Variants in EXOC4 observed in about 807,000 individuals in gnomAD.
EXOC4 encodes exocyst complex component 4.
In EXOC4, 71 loss-of-function variants were observed where a neutral mutation model predicts 107.2. The observed-to-expected ratio is 0.66, with a 90% confidence interval of 0.55 to 0.81. EXOC4 has a LOEUF of 0.81. EXOC4 is among the 30% of genes least tolerant of loss of function. EXOC4 has a pLI of 0.00. For missense variants in EXOC4, 1,108 were observed against 1,189.6 expected (o/e 0.93, Z 1.01); for synonymous variants, 456 against 441.2 (o/e 1.03, Z -0.42).
chr7:133,622,560 GT>G (rs2151007530), intron 9 of EXOC4, among the ~76,000 whole-genome samples: 1 of 152,174 alleles, frequency 6.6e-6, no homozygotes, highest in South Asian at 2.1e-4. Context: ...TCTAGCTTCA[GT>G]TGGACCACTA....
chr7:133,452,389 A>C (rs1798368213), intron 7 of EXOC4, among the ~76,000 whole-genome samples: 1 of 151,976 alleles, frequency 6.6e-6, no homozygotes, highest in African/African-American at 2.4e-5. Context: ...TGTGTACCTT[A>C]GAATCTGAGA....
At chr7:133,450,824 T>A (rs1332047763) in intron 7 of EXOC4, among the ~76,000 whole-genome samples, 1 of 152,212 alleles carries the variant, frequency 6.6e-6, no homozygotes, top group Non-Finnish European at 1.5e-5. Context: ...ATTTACAGTA[T>A]TTTACAAAAG....
intron 9 of EXOC4, among the ~76,000 whole-genome samples, chr7:133,614,340 A>G (rs944838597): frequency 6.6e-6 from 1 of 151,896 alleles, no homozygotes. Context: ...TACAGTAAGA[A>G]GTCTTGAATA....
chr7:134,025,482 A>G (rs1795119764), intron 17 of EXOC4, among the ~76,000 whole-genome samples: 1 of 152,232 alleles, frequency 6.6e-6, no homozygotes, highest in Non-Finnish European at 1.5e-5. Context: ...TTAGTTGAGC[A>G]GATTGACTGG....
chr7:133,936,612 T>C (rs561968847), intron 13 of EXOC4, among the ~76,000 whole-genome samples: 2 of 152,262 alleles, frequency 1.3e-5, no homozygotes, highest in East Asian at 1.9e-4. Context: ...ACTTTCTTGA[T>C]TTTTTTCCCC....
intron 17 of EXOC4, among the ~76,000 whole-genome samples, chr7:134,056,861 T>C (rs1162282042): frequency 6.6e-6 from 1 of 152,186 alleles, no homozygotes; most frequent in Non-Finnish European, 1.5e-5. Context: ...AAGGAGTGTG[T>C]CATCATCTCA....
At chr7:133,572,442 G>A (rs998181558) in intron 9 of EXOC4, among the ~76,000 whole-genome samples, 5 of 151,982 alleles carry the variant, frequency 3.3e-5, no homozygotes, top group Non-Finnish European at 7.4e-5. Flanking sequence ...ACTTGTAAAA[G>A]CTTATTCAAT....
intron 10 of EXOC4, among the ~76,000 whole-genome samples, chr7:133,754,082 A>T (rs1035141969): frequency 2.6e-5 from 4 of 152,216 alleles, no homozygotes; most frequent in Non-Finnish European, 2.9e-5. Flanking sequence ...GTAGTTTATT[A>T]TAATACCCTG....
chr7:133,502,000 A>AT (rs1799584688), intron 9 of EXOC4, among the ~76,000 whole-genome samples: 1 of 152,124 alleles, frequency 6.6e-6, no homozygotes, highest in Non-Finnish European at 1.5e-5. Context: ...TTAGAGAAGC[A>AT]TTTTCATGCA....
intron 10 of EXOC4, among the ~76,000 whole-genome samples, chr7:133,725,449 C>T (rs1479276676): frequency 6.6e-6 from 1 of 152,172 alleles, no homozygotes; most frequent in Non-Finnish European, 1.5e-5. Flanking sequence ...GATCTCAGCT[C>T]ACTGAAACCT....
chr7:133,492,035 C>T lies in EXOC4; in HGVS notation c.1417+11897C>T, dbSNP rs529465428. On this transcript the variant is annotated intron_variant, in intron 9 of 17. Coordinates refer to ENST00000253861, the MANE Select transcript of EXOC4 (RefSeq NM_021807.4). The stretch of plus-strand genomic sequence containing the variant: ...CCTGGTATGCCATAGCAAGAAGGTT[C>T]GGTTTTTGTCCTGCGGGTGATAAGG... Among the ~76,000 whole-genome samples, 173 of 152,210 alleles carry T rather than the reference C, an allele frequency of 1.1e-3. 1 individual carries two copies. Among genetic ancestry groups the T allele is most frequent in the Admixed American group, 3.1e-3 (48 of 15,292 alleles).
chr7:134,000,339 C>T (rs776441406), intron 15 of EXOC4, among the ~76,000 whole-genome samples: 29 of 152,130 alleles, frequency 1.9e-4, no homozygotes, highest in African/African-American at 6.5e-4. Flanking sequence ...AGTATAATAA[C>T]GCTAGAATAG....
intron 10 of EXOC4, among the ~76,000 whole-genome samples, chr7:133,676,954 T>G (rs1354811844): frequency 1.5e-4 from 12 of 78,230 alleles, no homozygotes. Context: ...TGTGTGTGTG[T>G]GTATGTGTGT....
chr7:133,272,820 A>G lies in EXOC4; in HGVS notation c.87-2162A>G, dbSNP rs529468848. 1.2e-4 allele frequency among the ~76,000 whole-genome samples: 19 copies of G among 152,266 alleles called. No individual in the cohort carries two copies. In the South Asian group the frequency reaches 2.7e-3, roughly 22 times the overall value. On this transcript the variant is annotated intron_variant, in intron 1 of 17. Coordinates refer to ENST00000253861, the MANE Select transcript of EXOC4 (RefSeq NM_021807.4). ...AATCTTCATTTTAGTAACCCTTTCT[A>G]TTCCCTAAATAACTCCTAATGATCC...
intron 10 of EXOC4, among the ~76,000 whole-genome samples, chr7:133,809,259 G>A (rs1477490653): frequency 1.3e-5 from 2 of 152,102 alleles, no homozygotes; most frequent in African/African-American, 4.8e-5. Flanking sequence ...ACCGTTTATT[G>A]CCAATTAAAA....
intron 6 of EXOC4, among the ~76,000 whole-genome samples, chr7:133,370,631 A>G (rs1381236673): frequency 2.0e-5 from 3 of 152,138 alleles, no homozygotes; most frequent in Non-Finnish European, 4.4e-5. Context: ...CTACTTTTTT[A>G]AGGACTAGAA....
chr7:133,772,867 C>T (rs1238751297), intron 10 of EXOC4, among the ~76,000 whole-genome samples: 1 of 152,036 alleles, frequency 6.6e-6, no homozygotes, highest in Non-Finnish European at 1.5e-5. Context: ...AAGAGCACTA[C>T]CTAGTGACAT....
rs1371732321 is a variant in EXOC4 at position 133,844,378 on chromosome 7, C to CATT, written c.1734+26834_1734+26835insATT. On this transcript the variant is annotated intron_variant, in intron 11 of 17. Transcript: ENST00000253861. ...TAATTTCTTGGATTCCCACATATTC[C>CATT]TTTTTTTTTTTTTTTTTTTTTTTTT... is the stretch of plus-strand genomic sequence containing the variant. Among the ~76,000 whole-genome samples the CATT allele has an allele frequency of 1.2e-3, 103 of 83,390 alleles. 1 individual carries two copies. Among genetic ancestry groups the CATT allele is most frequent in the Non-Finnish European group, 1.7e-3 (77 of 45,554 alleles). 54.7% of individuals were successfully genotyped at this position (83,390 alleles called of 152,430 possible).
intron 1 of EXOC4, among the ~76,000 whole-genome samples, chr7:133,254,226 C>CAG (rs1332557158): frequency 1.2e-4 from 18 of 152,176 alleles, no homozygotes; most frequent in African/African-American, 3.9e-4. Flanking sequence ...GACAAAGACA[C>CAG]ATCTTATGGG....
Sources: allele counts gnomAD v4.1 joint callset (sites outside exome capture counted in the v4.1 genomes callset), GRCh38; gene constraint gnomAD v4.1.1; transcripts MANE v1.5; gene names NCBI Gene and HGNC (gene_info 2026-07-23, HGNC 2026-07-21).